Variants in FXN observed in about 807,000 individuals in gnomAD.
FXN encodes the protein frataxin, mitochondrial.
Under a neutral mutation model 22.4 loss-of-function variants are expected in FXN, and 14 were observed. That is an observed-to-expected ratio of 0.62 (90% CI 0.41 to 0.98). The LOEUF is 0.98. FXN is among the 50% of genes least tolerant of loss of function. The probability of loss-of-function intolerance (pLI) is 0.00; values close to 1 mark genes in which losing one functional copy is unlikely to be tolerated. For missense variants in FXN, 267 were observed against 268.4 expected, an observed-to-expected ratio of 0.99 and a Z score of 0.04; for synonymous variants, 120 against 114.1, an observed-to-expected ratio of 1.05 and a Z score of -0.33.
intron 1 of FXN, among the ~76,000 whole-genome samples, chr9:69,038,701 C>T (rs1831604768): frequency 6.6e-6 from 1 of 151,466 alleles, no homozygotes; most frequent in African/African-American, 2.4e-5. Flanking sequence ...GCCTGTAGTC[C>T]CAGCTACTCG....
intron 3 of FXN, among the ~76,000 whole-genome samples, chr9:69,063,929 C>CT (rs1832120400): frequency 6.6e-6 from 1 of 152,226 alleles, no homozygotes; most frequent in African/African-American, 2.4e-5. Flanking sequence ...AGCCATCTGC[C>CT]TGCCTCGGCC....
chr9:69,046,329 TA>T, intron 1 of FXN, 55 bp from the exon 2 acceptor site: 3 of 1,286,910 alleles, frequency 2.3e-6, no homozygotes, highest in Non-Finnish European at 2.3e-6. Context: ...AATTATGCAT[TA>T]ATGGGTTATA....
At chr9:69,047,380 C>CAT (rs1055004069) in intron 2 of FXN, among the ~76,000 whole-genome samples, 3 of 151,630 alleles carry the variant, frequency 2.0e-5, no homozygotes, top group African/African-American at 7.3e-5. Context: ...CACACACACA[C>CAT]GATGGAGAGG....
At position 69,079,063 on chromosome 9, in the gene FXN, C is replaced by A; in HGVS notation, c.*6301C>A. The A allele has an allele frequency of 1.1e-6, 1 of 884,708 alleles. No homozygotes were observed. The highest frequency in any genetic ancestry group is 1.4e-6 in the Non-Finnish European group (1 of 738,506). The allele number at this position is 884,708 out of a possible 1,614,324, so 54.8% of individuals were successfully genotyped here. On this transcript the variant is annotated 3_prime_UTR_variant, in exon 5 of 5. Transcript: ENST00000484259. ...TTTAAGATAGTTGTTCAAATAAACT[C>A]TAAATAACCCCAACTCCAAGAGTGT...
At chr9:69,060,109 C>G (rs1832038224) in intron 3 of FXN, among the ~76,000 whole-genome samples, 1 of 152,172 alleles carries the variant, frequency 6.6e-6, no homozygotes, top group African/African-American at 2.4e-5. Flanking sequence ...TGGCTCACGC[C>G]TGTAATCCCA....
intron 1 of FXN, among the ~76,000 whole-genome samples, chr9:69,038,592 G>C (rs536120131): frequency 6.6e-6 from 1 of 152,110 alleles, no homozygotes; most frequent in Admixed American, 6.6e-5. Flanking sequence ...TTGGGAGGCC[G>C]AGGCGAGTGG....
intron 1 of FXN, among the ~76,000 whole-genome samples, chr9:69,044,805 CTGTCACCTGGA>C (rs1362427111): frequency 6.6e-6 from 1 of 152,186 alleles, no homozygotes; most frequent in Non-Finnish European, 1.5e-5. Flanking sequence ...AACTCAGACC[CTGTCACCTGGA>C]TGTCCAGCAG....
rs1371042272 is a variant in FXN at position 69,036,294 on chromosome 9, C to G, written c.165+347C>G. 2.3e-5 allele frequency: 4 copies of G among 176,394 alleles called. No homozygotes were observed. In the Admixed American group the frequency reaches 2.5e-4, roughly 11 times the overall value. 10.9% of individuals were successfully genotyped at this position (176,394 alleles called of 1,614,324 possible). A position where few individuals can be genotyped will look rare whatever the true frequency, so the allele number is the denominator to read the frequency against. On this transcript the variant is annotated intron_variant, in intron 1 of 4. Transcript: ENST00000484259. ...CATGCTTGTCACTTCTCTGCGATAA[C>G]TTGTTTCAGTAATATTAATAGATGG... is the stretch of plus-strand genomic sequence containing the variant.
At chr9:69,055,991 G>A (rs962116028) in intron 3 of FXN, among the ~76,000 whole-genome samples, 3 of 152,086 alleles carry the variant, frequency 2.0e-5, no homozygotes, top group East Asian at 1.9e-4. Context: ...TCAAGTGATC[G>A]TTCCACCTCA....
In FXN at chr9:69,078,238, G is replaced by C. The variant is rs1035662310; in HGVS notation, c.*5476G>C. 3 of 985,020 alleles carry C rather than the reference G, an allele frequency of 3.0e-6. No individual in the cohort carries two copies. The highest frequency in any genetic ancestry group is 1.2e-4 in the Admixed American group (2 of 16,274). 61.0% of individuals were successfully genotyped at this position (985,020 alleles called of 1,614,324 possible). ...ACAGAGATTATAACTACAATGTGAA[G>C]TGAATGGTGCCACTGACAGTTATGC... is the stretch of plus-strand genomic sequence containing the variant. On this transcript the variant is annotated 3_prime_UTR_variant, in exon 5 of 5. Transcript: ENST00000484259.
chr9:69,074,132 C>T lies in FXN; in HGVS notation c.*1370C>T, dbSNP rs1170900922. 3.3e-5 allele frequency: 18 copies of T among 552,146 alleles called. No individual in the cohort carries two copies. Among genetic ancestry groups the T allele is most frequent in the Non-Finnish European group, 3.9e-5 (17 of 434,808 alleles). 34.2% of individuals were successfully genotyped at this position (552,146 alleles called of 1,614,324 possible). On this transcript the variant is annotated 3_prime_UTR_variant, in exon 5 of 5. Transcript: ENST00000484259. ...CCCAGAGGTGGAGGTTGCAGTGAGC[C>T]GAGATCGTGCCATTGCACTGTAACC... is the stretch of plus-strand genomic sequence containing the variant.
intron 1 of FXN, among the ~76,000 whole-genome samples, chr9:69,039,127 C>T (rs1831611836): frequency 6.6e-6 from 1 of 151,994 alleles, no homozygotes; most frequent in Non-Finnish European, 1.5e-5. Flanking sequence ...GTGGCACTCA[C>T]CTGTAATCCC....
At position 69,035,895 on chromosome 9, in the gene FXN, G is replaced by C; in HGVS notation, c.113G>C (p.Gly38Ala). The C allele has an allele frequency of 6.7e-7, 1 of 1,488,100 alleles. No individual in the cohort carries two copies. Among genetic ancestry groups the C allele is most frequent in the Admixed American group, 2.2e-5 (1 of 45,486 alleles). The allele number at this position is 1,488,100 out of a possible 1,614,324, so 92.2% of individuals were successfully genotyped here. A position where few individuals can be genotyped will look rare whatever the true frequency, so the allele number is the denominator to read the frequency against. The change falls in exon 1 of 5, where the codon GGC becomes GCC. Residue 38 changes from glycine (G) to alanine (A), a missense_variant. Physicochemically the swap from Gly to Ala is moderately conservative, Grantham distance 60. Coordinates refer to ENST00000484259, the MANE Select transcript of FXN (RefSeq NM_000144.5). ...CCGGCAGAGTTGGCCCCACTCTGCG[G>C]CCGCCGTGGCCTGCGCACCGACATC... ...PRPAELAPLC[G>A]RRGLRTDIDA...
Position 69,072,849 on chromosome 9 carries a change from T to C in FXN, c.*87T>C. 6.2e-7 allele frequency: 1 copy of C among 1,605,862 alleles called. No homozygotes were observed. Among genetic ancestry groups the C allele is most frequent in the Non-Finnish European group, 8.5e-7 (1 of 1,178,302 alleles). On this transcript the variant is annotated 3_prime_UTR_variant, in exon 5 of 5. Transcript: ENST00000484259. ...AGCTGAGGTCTGTTTTTTGTTGTTGTTGTTGTTTATTTTTTTTATTCCTGC... is the reference window on the plus strand; with the variant it reads ...AGCTGAGGTCTGTTTTTTGTTGTTGCTGTTGTTTATTTTTTTTATTCCTGC...
rs1196096322 is a variant in FXN at position 69,078,579 on chromosome 9, C to G, written c.*5817C>G. On this transcript the variant is annotated 3_prime_UTR_variant, in exon 5 of 5. Transcript: ENST00000484259. ...TGAAAAATGTGCTTTTCTGACTGAACTGTTCAGGCACTGACTCTACATATA... is the reference window on the plus strand; with the variant it reads ...TGAAAAATGTGCTTTTCTGACTGAAGTGTTCAGGCACTGACTCTACATATA... 7.1e-5 allele frequency: 70 copies of G among 985,556 alleles called. No individual in the cohort carries two copies. Among genetic ancestry groups the G allele is most frequent in the Non-Finnish European group, 7.8e-5 (65 of 829,956 alleles). 61.1% of individuals were successfully genotyped at this position (985,556 alleles called of 1,614,324 possible).
chr9:69,072,947 T>C lies in FXN; in HGVS notation c.*185T>C, dbSNP rs1285954040. 1 of 1,449,842 alleles carries C rather than the reference T, an allele frequency of 6.9e-7. No homozygotes were observed. The highest frequency in any genetic ancestry group is 9.0e-7 in the Non-Finnish European group (1 of 1,111,090). The allele number at this position is 1,449,842 out of a possible 1,614,324, so 89.8% of individuals were successfully genotyped here. A position where few individuals can be genotyped will look rare whatever the true frequency, so the allele number is the denominator to read the frequency against. On this transcript the variant is annotated 3_prime_UTR_variant, in exon 5 of 5. Coordinates refer to ENST00000484259, the MANE Select transcript of FXN (RefSeq NM_000144.5). ...GTTGCCTCCTACCTTGCCCCCAAGT[T>C]CTGATTTTTAATTTCTATGGAAGAT...
chr9:69,042,969 G>C (rs1179228939), intron 1 of FXN, among the ~76,000 whole-genome samples: 1 of 152,184 alleles, frequency 6.6e-6, no homozygotes, highest in Non-Finnish European at 1.5e-5. Context: ...CCTTTGGTGC[G>C]TCAGTTTCCT....
intron 1 of FXN, among the ~76,000 whole-genome samples, chr9:69,038,365 C>A (rs954459615): frequency 6.6e-6 from 1 of 152,146 alleles, no homozygotes; most frequent in African/African-American, 2.4e-5. Flanking sequence ...TTCTCCACCC[C>A]TTGCATCTAC....
At chr9:69,063,884 A>G (rs1207172662) in intron 3 of FXN, among the ~76,000 whole-genome samples, 2 of 152,136 alleles carry the variant, frequency 1.3e-5, no homozygotes, top group Non-Finnish European at 2.9e-5. Flanking sequence ...GGGTTTTGCC[A>G]TATTGCCTAG....
Sources: allele counts gnomAD v4.1 joint callset (sites outside exome capture counted in the v4.1 genomes callset), GRCh38; gene constraint gnomAD v4.1.1; transcripts MANE v1.5; gene names NCBI Gene and HGNC (gene_info 2026-07-23, HGNC 2026-07-21).